Variants in SGCZ observed in about 807,000 individuals in gnomAD.
The protein encoded by SGCZ is sarcoglycan zeta, also known as zeta-sarcoglycan.
A neutral mutation model predicts 41.3 loss-of-function variants in SGCZ; 40 were observed. That is an observed-to-expected ratio of 0.97 (90% CI 0.75 to 1.26). The LOEUF (loss-of-function observed/expected upper bound fraction) is 1.26, where lower values mean the gene tolerates loss of function less well. Ranked by LOEUF, SGCZ falls within the 50% of genes most tolerant of loss-of-function variation. The pLI, the probability that SGCZ is intolerant of heterozygous loss-of-function variation, is 0.00. For missense variants in SGCZ, 552 were observed against 369.8 expected, an observed-to-expected ratio of 1.49 and a Z score of -4.04; for synonymous variants, 206 against 137.5, an observed-to-expected ratio of 1.50 and a Z score of -3.49.
chr8:14,794,720 A>G (rs1380974113), intron 1 of SGCZ, among the ~76,000 whole-genome samples: 1 of 152,204 alleles, frequency 6.6e-6, no homozygotes, highest in Non-Finnish European at 1.5e-5. Context: ...AAATAGGCTC[A>G]CGAAAAGACA....
chr8:14,102,103 TA>T (rs1313180607), intron 7 of SGCZ, among the ~76,000 whole-genome samples: 2 of 33,718 alleles, frequency 5.9e-5, no homozygotes, highest in Non-Finnish European at 1.1e-4. Context: ...TATATATATA[TA>T]ATTTTTTTTT....
chr8:14,157,584 G>A (rs1585187077), intron 5 of SGCZ, among the ~76,000 whole-genome samples: 1 of 150,862 alleles, frequency 6.6e-6, no homozygotes, highest in African/African-American at 2.4e-5. Context: ...ATAAGTACTT[G>A]TGCAGAAAAA....
intron 3 of SGCZ, among the ~76,000 whole-genome samples, chr8:14,321,130 CA>C (rs1282773773): frequency 2.0e-5 from 3 of 152,084 alleles, no homozygotes; most frequent in Non-Finnish European, 4.4e-5. Context: ...CCAGATTACA[CA>C]TCTTTTGTAT....
intron 1 of SGCZ, among the ~76,000 whole-genome samples, chr8:14,615,066 A>G (rs1806055109): frequency 6.6e-6 from 1 of 152,162 alleles, no homozygotes; most frequent in African/African-American, 2.4e-5. Context: ...ATTTTGTGAA[A>G]GTTTAACACA....
chr8:14,185,360 G>A (rs1013983116), intron 4 of SGCZ, among the ~76,000 whole-genome samples: 2 of 151,986 alleles, frequency 1.3e-5, no homozygotes, highest in African/African-American at 2.4e-5. Context: ...CCGAGATCAC[G>A]CCACTGCACT....
intron 5 of SGCZ, among the ~76,000 whole-genome samples, chr8:14,152,326 T>C (rs1200485601): frequency 6.6e-6 from 1 of 151,960 alleles, no homozygotes; most frequent in African/African-American, 2.4e-5. Flanking sequence ...AATAAACACA[T>C]AAAAAGGTGT....
At position 14,670,918 on chromosome 8, in the gene SGCZ, T is replaced by C. The variant is rs527730087; in HGVS notation, c.40-115992A>G. Among the ~76,000 whole-genome samples, 138 of 152,300 alleles carry C rather than the reference T, an allele frequency of 9.1e-4. 1 individual carries two copies. Among genetic ancestry groups the C allele is most frequent in the African/African-American group, 3.2e-3 (135 of 41,568 alleles). On this transcript the variant is annotated intron_variant, in intron 1 of 7. Coordinates refer to ENST00000382080, the MANE Select transcript of SGCZ (RefSeq NM_139167.4). ...GTCTTAATTTACTACCCTATAGAAC[T>C]AGTGAGTACACAGGTTGAAGCCAAG...
chr8:15,098,453 G>T (rs987309547), intron 1 of SGCZ, among the ~76,000 whole-genome samples: 1 of 152,122 alleles, frequency 6.6e-6, no homozygotes, highest in Non-Finnish European at 1.5e-5. Context: ...AGAAAAGGTG[G>T]CAAAGTTAGT....
At chr8:14,960,766 A>G (rs1800937081) in intron 1 of SGCZ, among the ~76,000 whole-genome samples, 1 of 152,106 alleles carries the variant, frequency 6.6e-6, no homozygotes, top group Non-Finnish European at 1.5e-5. Flanking sequence ...ACCATCAAAG[A>G]GCAGTCATCA....
intron 3 of SGCZ, among the ~76,000 whole-genome samples, chr8:14,269,750 G>T (rs547293708): frequency 2.0e-5 from 3 of 152,220 alleles, no homozygotes; most frequent in African/African-American, 7.2e-5. Context: ...AATGAGATAT[G>T]AAGAAGATGT....
At chr8:14,411,842 A>C (rs926477289) in intron 2 of SGCZ, among the ~76,000 whole-genome samples, 1 of 152,136 alleles carries the variant, frequency 6.6e-6, no homozygotes, top group Admixed American at 6.6e-5. Flanking sequence ...GTACAGTAAA[A>C]AACACTTCCA....
intron 1 of SGCZ, among the ~76,000 whole-genome samples, chr8:14,669,999 A>T (rs1808053761): frequency 6.6e-6 from 1 of 152,230 alleles, no homozygotes; most frequent in Admixed American, 6.5e-5. Flanking sequence ...CAAGTACAGC[A>T]TGATATTTTG....
At chr8:14,709,519 T>C (rs1388405094) in intron 1 of SGCZ, among the ~76,000 whole-genome samples, 1 of 152,280 alleles carries the variant, frequency 6.6e-6, no homozygotes, top group Non-Finnish European at 1.5e-5. Flanking sequence ...CCCTTCTCAA[T>C]TGTGCAGAAT....
chr8:14,783,362 A>T (rs911946946), intron 1 of SGCZ, among the ~76,000 whole-genome samples: 6 of 152,016 alleles, frequency 3.9e-5, no homozygotes, highest in African/African-American at 1.4e-4. Context: ...TGAACCCGGT[A>T]GGTGGAAGTT....
intron 1 of SGCZ, among the ~76,000 whole-genome samples, chr8:14,890,244 A>G (rs1804963480): frequency 6.6e-6 from 1 of 151,144 alleles, no homozygotes; most frequent in Non-Finnish European, 1.5e-5. Flanking sequence ...GAGAGAGAGA[A>G]AGAGAGAAAG....
chr8:14,954,696 G>A (rs890759661), intron 1 of SGCZ, among the ~76,000 whole-genome samples: 1 of 152,084 alleles, frequency 6.6e-6, no homozygotes, highest in African/African-American at 2.4e-5. Context: ...TGTAGGAACC[G>A]AATCTTCCTA....
intron 2 of SGCZ, among the ~76,000 whole-genome samples, chr8:14,545,960 T>C (rs1040656793): frequency 6.6e-6 from 1 of 152,154 alleles, no homozygotes; most frequent in African/African-American, 2.4e-5. Flanking sequence ...TGGTAGTTGT[T>C]TGCACTTGGA....
chr8:14,959,748 A>G (rs1053751867), intron 1 of SGCZ, among the ~76,000 whole-genome samples: 4 of 152,108 alleles, frequency 2.6e-5, no homozygotes, highest in African/African-American at 9.7e-5. Flanking sequence ...CTTTAATTCT[A>G]CTGGTTTGTA....
intron 2 of SGCZ, among the ~76,000 whole-genome samples, chr8:14,422,644 A>C (rs1265821383): frequency 6.6e-6 from 1 of 152,208 alleles, no homozygotes; most frequent in Non-Finnish European, 1.5e-5. Context: ...GCCCAGACTT[A>C]CTGGATTTGC....
Sources: allele counts gnomAD v4.1 joint callset (sites outside exome capture counted in the v4.1 genomes callset), GRCh38; gene constraint gnomAD v4.1.1; transcripts MANE v1.5; gene names NCBI Gene and HGNC (gene_info 2026-07-23, HGNC 2026-07-21).